The following ARHGAP35 variants were observed in gnomAD, a reference collection of about 807,000 sequenced individuals.
The protein encoded by ARHGAP35 is rho GTPase-activating protein 35.
A neutral mutation model predicts 111.1 loss-of-function variants in ARHGAP35; 15 were observed. That is an observed-to-expected ratio of 0.13 (90% CI 0.09 to 0.21). ARHGAP35 has a LOEUF of 0.21. ARHGAP35 is among the 10% of genes least tolerant of loss of function. The pLI is 1.00. For missense variants in ARHGAP35, 1,262 were observed against 1,873.0 expected (o/e 0.67, Z 6.02); for synonymous variants, 643 against 710.3 (o/e 0.91, Z 1.51).
intron 2 of ARHGAP35, among the ~76,000 whole-genome samples, chr19:46,932,111 G>A (rs1000956452): frequency 1.3e-5 from 2 of 152,070 alleles, no homozygotes; most frequent in African/African-American, 4.8e-5. Flanking sequence ...GTGAAATCCC[G>A]TCTTTACTAA....
intron 3 of ARHGAP35, among the ~76,000 whole-genome samples, chr19:46,950,383 C>A (rs2056404574): frequency 6.6e-6 from 1 of 152,192 alleles, no homozygotes; most frequent in Non-Finnish European, 1.5e-5. Flanking sequence ...CTGCTGTGAA[C>A]ATTCCTGTAC....
At chr19:46,991,857 A>G (rs977052906) in intron 5 of ARHGAP35, among the ~76,000 whole-genome samples, 3 of 152,216 alleles carry the variant, frequency 2.0e-5, no homozygotes, top group African/African-American at 7.2e-5. Context: ...TGGCTACATC[A>G]ACTTGACCAG....
chr19:46,952,475 G>C (rs1264691858), intron 3 of ARHGAP35, among the ~76,000 whole-genome samples: 1 of 152,178 alleles, frequency 6.6e-6, no homozygotes, highest in Non-Finnish European at 1.5e-5. Context: ...CATTTAAGAA[G>C]TCAGTAATTC....
intron 1 of ARHGAP35, among the ~76,000 whole-genome samples, chr19:46,906,488 C>T (rs1036948194): frequency 2.0e-5 from 3 of 152,152 alleles, no homozygotes; most frequent in Non-Finnish European, 2.9e-5. Context: ...TTTGACATGA[C>T]CCCAGGCAGG....
intron 3 of ARHGAP35, among the ~76,000 whole-genome samples, chr19:46,963,140 C>T (rs1353153110): frequency 1.3e-5 from 2 of 152,144 alleles, no homozygotes; most frequent in Non-Finnish European, 2.9e-5. Flanking sequence ...GTGTGCTACC[C>T]TGATGGGAGA....
chr19:46,896,938 G>T (rs1390431834), intron 1 of ARHGAP35, among the ~76,000 whole-genome samples: 1 of 152,090 alleles, frequency 6.6e-6, no homozygotes, highest in Non-Finnish European at 1.5e-5. Context: ...CTGTCACTCA[G>T]TCTGGAGTGC....
At position 46,908,482 on chromosome 19, in the gene ARHGAP35, TTTG is replaced by T. The variant is rs147917664; in HGVS notation, c.-188-9997_-188-9995del. On this transcript the variant is annotated intron_variant, in intron 1 of 6. Transcript: ENST00000672722. This position sits in a 1 kb window ranked among gnomAD's most constrained non-coding sequence, Gnocchi z 4.2. Reference sequence around the variant, plus strand: ...TTTACAGCTTATCAGAATCTTGGTTTTTGTTGTTGTTTTTCTTAATATAGGTAA... The same window carrying T: ...TTTACAGCTTATCAGAATCTTGGTTTTTGTTGTTTTTCTTAATATAGGTAA... 0.02 allele frequency among the ~76,000 whole-genome samples: 3,010 copies of T among 152,258 alleles called. 105 individuals are homozygous for T. The highest frequency in any genetic ancestry group is 0.068 in the African/African-American group (2,804 of 41,516).
In ARHGAP35 at chr19:47,002,465, C is replaced by T. The variant is rs1438503397; in HGVS notation, c.*1777C>T. On this transcript the variant is annotated 3_prime_UTR_variant, in exon 7 of 7. Transcript: ENST00000672722. The stretch of plus-strand genomic sequence containing the variant: ...TCGGAGAACAAACCCAGGGTTCAGG[C>T]GTGTTTTCTGTGAATGTTGGATGAT... 1.3e-5 allele frequency: 2 copies of T among 152,266 alleles called. No individual in the cohort carries two copies. The highest frequency in any genetic ancestry group is 4.8e-5 in the African/African-American group (2 of 41,464). The allele number at this position is 152,266 out of a possible 1,614,324, so 9.4% of individuals were successfully genotyped here. A position where few individuals can be genotyped will look rare whatever the true frequency, so the allele number is the denominator to read the frequency against.
At chr19:46,876,193 A>ATTTTT (rs201937445) in intron 1 of ARHGAP35, among the ~76,000 whole-genome samples, 1 of 143,178 alleles carries the variant, frequency 7.0e-6, no homozygotes, top group East Asian at 2.0e-4. Context: ...ACCTGGCTTT[A>ATTTTT]TTTTTTTTTT....
chr19:46,923,087 G>A (rs1019916978), intron 2 of ARHGAP35, among the ~76,000 whole-genome samples: 8 of 150,748 alleles, frequency 5.3e-5, no homozygotes, highest in African/African-American at 1.9e-4. Context: ...GTAGAGACAG[G>A]AGCAAATGAA....
chr19:46,982,919 G>A (rs1336748461), intron 3 of ARHGAP35, among the ~76,000 whole-genome samples: 2 of 151,720 alleles, frequency 1.3e-5, no homozygotes, highest in East Asian at 1.9e-4. Context: ...GTGTGGTGGT[G>A]CACACCTATA....
intron 1 of ARHGAP35, among the ~76,000 whole-genome samples, chr19:46,915,931 T>A (rs911430219): frequency 1.5e-5 from 2 of 137,736 alleles, no homozygotes; most frequent in Non-Finnish European, 3.1e-5. Context: ...TCCAAACTCT[T>A]TTTTTTTTTT....
Position 46,920,189 on chromosome 19 carries a change from A to G in ARHGAP35, c.1514A>G (p.Glu505Gly). 1 of 1,614,002 alleles carries G rather than the reference A, an allele frequency of 6.2e-7. No individual in the cohort carries two copies. The highest frequency in any genetic ancestry group is 8.5e-7 in the Non-Finnish European group (1 of 1,179,894). Residue 505 changes from glutamate to glycine, a missense_variant, in exon 2 of 7, where the codon GAA (glutamate) becomes GGA (glycine). Physicochemically the swap from Glu to Gly is moderately conservative, Grantham distance 98. This residue lies in a region of ARHGAP35 where 328 missense variants were observed against 440.8 expected (regional missense o/e 0.74). Transcript: ENST00000672722. This position sits in a 1 kb window ranked among gnomAD's most constrained non-coding sequence, Gnocchi z 7.0. ...LLLEYSELFY[E>G]LELDAKPSKE... ...TTGGAATATTCAGAATTGTTTTATG[A>G]ACTGGAGCTGGATGCTAAGCCCAGC...
intron 3 of ARHGAP35, among the ~76,000 whole-genome samples, chr19:46,950,412 A>G (rs975037658): frequency 6.6e-6 from 1 of 152,196 alleles, no homozygotes; most frequent in Non-Finnish European, 1.5e-5. Flanking sequence ...TGGTGTACAT[A>G]TGTGTGCACT....
intron 3 of ARHGAP35, among the ~76,000 whole-genome samples, chr19:46,954,787 C>A (rs1307700778): frequency 6.6e-6 from 1 of 152,268 alleles, no homozygotes; most frequent in Non-Finnish European, 1.5e-5. Context: ...CTTTCTAGTA[C>A]ATAGTCCAAA....
At chr19:46,905,509 G>A (rs1461681164) in intron 1 of ARHGAP35, among the ~76,000 whole-genome samples, 1 of 151,276 alleles carries the variant, frequency 6.6e-6, no homozygotes, top group African/African-American at 2.4e-5. Context: ...CCGAGTAGTT[G>A]GGACTACAGG....
intron 3 of ARHGAP35, among the ~76,000 whole-genome samples, chr19:46,939,416 A>ATTT (rs1188063081): frequency 7.9e-6 from 1 of 126,420 alleles, no homozygotes; most frequent in African/African-American, 2.9e-5. Context: ...TTTATTTATT[A>ATTT]TTTAATTTTT....
chr19:46,921,061 G>A lies in ARHGAP35; in HGVS notation c.2386G>A (p.Ala796Thr). 6.2e-7 allele frequency: 1 copy of A among 1,613,950 alleles called. No individual in the cohort carries two copies. The highest frequency in any genetic ancestry group is 8.5e-7 in the Non-Finnish European group (1 of 1,179,874). Residue 796 changes from alanine (A) to threonine (T), a missense_variant, in exon 2 of 7, where the codon GCA becomes ACA. By Grantham distance (58) the Ala-to-Thr change is moderately conservative. Around this residue, in one of 8 missense-constraint regions of ARHGAP35, gnomAD observed 579 missense variants for 716.9 expected, o/e 0.81. Coordinates refer to ENST00000672722, the MANE Select transcript of ARHGAP35 (RefSeq NM_004491.5). The surrounding 1 kb of genome is among the most constrained non-coding windows in gnomAD (Gnocchi z 4.3). The part of the protein sequence containing the change: ...MCLMCGDPFS[A>T]DDILFPVLQS... ...TCTGATGTGTGGAGATCCTTTTAGT[G>A]CAGATGACATACTTTTTCCTGTCCT...
chr19:46,930,483 C>T, intron 2 of ARHGAP35, among the ~76,000 whole-genome samples: 1 of 136,348 alleles, frequency 7.3e-6, no homozygotes, highest in Admixed American at 7.4e-5. Flanking sequence ...AAAAAAAAGA[C>T]AAAAAAAGGC....
Sources: allele counts gnomAD v4.1 joint callset (sites outside exome capture counted in the v4.1 genomes callset), GRCh38; gene constraint gnomAD v4.1.1; regional missense constraint gnomAD v4.1.1; non-coding constraint Gnocchi (gnomAD v3.1); transcripts MANE v1.5; gene names NCBI Gene and HGNC (gene_info 2026-07-23, HGNC 2026-07-21).